The following EIF3M variants were observed in gnomAD, a reference collection of about 807,000 sequenced individuals.
EIF3M encodes eukaryotic translation initiation factor 3 subunit M, also known as B5 receptor.
EIF3M carries 25 observed loss-of-function variants against 49.7 expected under a neutral mutation model. The ratio of observed to expected loss-of-function variants is 0.50; its 90% CI spans 0.37 to 0.70. EIF3M has a LOEUF of 0.70. Among genes scored for constraint, EIF3M ranks in the 30% least tolerant of loss-of-function variants. The pLI is 0.00. For missense variants in EIF3M, 350 were observed against 440.0 expected (o/e 0.80, Z 1.83); for synonymous variants, 156 against 149.8 (o/e 1.04, Z -0.30).
rs1304240989 is a variant in EIF3M at position 32,593,910 on chromosome 11, C to G, written c.578C>G (p.Thr193Arg). 6.3e-7 allele frequency: 1 copy of G among 1,580,356 alleles called. No homozygotes were observed. The highest frequency in any genetic ancestry group is 1.4e-5 in the African/African-American group (1 of 73,226). The change falls in exon 6 of 11, where the codon ACA becomes AGA. Residue 193 changes from threonine to arginine, a missense_variant. Transcript: ENST00000531120. The stretch of plus-strand genomic sequence containing the variant: ...ATGGTGGAATTGCTCGGAAGTTACA[C>G]AGAGGACAATGCTTCCCAGGCTCGA... ...KVMVELLGSY[T>R]EDNASQARVD... is the part of the protein sequence containing the mutation.
chr11:32,593,851 A>G lies in EIF3M; in HGVS notation c.534-15A>G, dbSNP rs1167391241. On this transcript the variant is annotated splice_polypyrimidine_tract_variant and intron_variant, in intron 5 of 10. Coordinates refer to ENST00000531120, the MANE Select transcript of EIF3M (RefSeq NM_006360.6). The stretch of plus-strand genomic sequence containing the variant: ...AGTAATGCTTTCAAGTTCCTAAAGC[A>G]ATATTTCTTTTTAGTGATGCTGCTT... 1.3e-6 allele frequency: 2 copies of G among 1,553,966 alleles called. No individual in the cohort carries two copies. Among genetic ancestry groups the G allele is most frequent in the South Asian group, 2.5e-5 (2 of 81,542 alleles).
intron 7 of EIF3M, among the ~76,000 whole-genome samples, chr11:32,595,461 C>G (rs1855165671): frequency 6.6e-6 from 1 of 152,180 alleles, no homozygotes; most frequent in Non-Finnish European, 1.5e-5. Context: ...CCTGACCCCC[C>G]TGACCCCAAA....
intron 8 of EIF3M, among the ~76,000 whole-genome samples, chr11:32,596,693 G>A (rs188728636): frequency 6.6e-6 from 1 of 152,044 alleles, no homozygotes; most frequent in Admixed American, 6.5e-5. Flanking sequence ...ATCACTTGAG[G>A]TCAGGAGTTC....
Position 32,603,017 on chromosome 11 carries a change from T to C in EIF3M, c.*618T>C, listed in dbSNP as rs375218866. 16 of 1,589,450 alleles carry C rather than the reference T, an allele frequency of 1.0e-5. No individual in the cohort carries two copies. In the East Asian group the frequency reaches 1.3e-4, roughly 13 times the overall value. ...GGAGTTGATATCAGAGGCTTTGTTT[T>C]CACCTGGGAAAGATAAACTAATTTT... is the stretch of plus-strand genomic sequence containing the variant. On this transcript the variant is annotated 3_prime_UTR_variant, in exon 11 of 11. Coordinates refer to ENST00000531120, the MANE Select transcript of EIF3M (RefSeq NM_006360.6).
Position 32,605,968 on chromosome 11 carries a change from T to C in EIF3M, c.*3569T>C, listed in dbSNP as rs965842771. 1 of 152,068 alleles carries C rather than the reference T, an allele frequency of 6.6e-6. No individual in the cohort carries two copies. The highest frequency in any genetic ancestry group is 2.4e-5 in the African/African-American group (1 of 41,392). 9.4% of individuals were successfully genotyped at this position (152,068 alleles called of 1,614,324 possible). ...CTAGTCCTTTTATTTCTGCCTGTGA[T>C]TATATTTTAAAATTAAACTTAAATG... is the stretch of plus-strand genomic sequence containing the variant. On this transcript the variant is annotated 3_prime_UTR_variant, in exon 11 of 11. Transcript: ENST00000531120.
intron 8 of EIF3M, among the ~76,000 whole-genome samples, chr11:32,599,708 ATAT>A (rs759799017): frequency 2.0e-5 from 3 of 151,986 alleles, no homozygotes; most frequent in Non-Finnish European, 4.4e-5. Context: ...AGTATATATG[ATAT>A]TATGTTAGAA....
At chr11:32,588,225 C>A (rs1453498110) in intron 2 of EIF3M, among the ~76,000 whole-genome samples, 3 of 151,932 alleles carry the variant, frequency 2.0e-5, no homozygotes, top group Non-Finnish European at 4.4e-5. Flanking sequence ...CCCGTCTCTA[C>A]TAAAAATACA....
At chr11:32,590,718 A>G (rs1855087226) in intron 5 of EIF3M, among the ~76,000 whole-genome samples, 1 of 152,236 alleles carries the variant, frequency 6.6e-6, no homozygotes, top group African/African-American at 2.4e-5. Flanking sequence ...TCTTTAGAAC[A>G]CATAAAATAC....
At chr11:32,601,948 C>T in intron 10 of EIF3M, 126 bp downstream of exon 10, 1 of 1,032,138 alleles carries the variant, frequency 9.7e-7, no homozygotes, top group Non-Finnish European at 1.4e-6. Context: ...TGCTATTTAT[C>T]ATAATTTTAT....
At chr11:32,585,813 TG>T (rs1468322513) in intron 1 of EIF3M, among the ~76,000 whole-genome samples, 1 of 149,356 alleles carries the variant, frequency 6.7e-6, no homozygotes, top group Non-Finnish European at 1.5e-5. Context: ...TAAATATACT[TG>T]GGGGTTTAAA....
chr11:32,587,167 A>G (rs374063734), intron 2 of EIF3M, 23 bp downstream of exon 2: 3 of 1,538,768 alleles, frequency 1.9e-6, no homozygotes, highest in Non-Finnish European at 2.6e-6. Context: ...TTTTTTTCTA[A>G]TATTTCCTAA....
rs114768944 is a variant in EIF3M at position 32,594,159 on chromosome 11, G to A, written c.617+210G>A. 1,418 of 357,924 alleles carry A rather than the reference G, an allele frequency of 4.0e-3. 17 individuals are homozygous for A. The highest frequency in any genetic ancestry group is 0.025 in the African/African-American group (1,189 of 47,734). 22.2% of individuals were successfully genotyped at this position (357,924 alleles called of 1,614,324 possible). A position where few individuals can be genotyped will look rare whatever the true frequency, so the allele number is the denominator to read the frequency against. On this transcript the variant is annotated intron_variant, in intron 6 of 10. Coordinates refer to ENST00000531120, the MANE Select transcript of EIF3M (RefSeq NM_006360.6). ...ATTGAATATGAAGTAGCTGCATGGC[G>A]TTTACCTGGCGGGGGGGGTATTGCT... is the stretch of plus-strand genomic sequence containing the variant.
rs1855173048 is a variant in EIF3M, at chr11:32,596,061, T to C, written c.799+14T>C. On this transcript the variant is annotated intron_variant, in intron 8 of 10. Transcript: ENST00000531120. ...TTGATTCACTTGGTAAGTTTTGGGG[T>C]TTATTCTTTGAGGCACAGAGGTGGG... 2.6e-6 allele frequency: 4 copies of C among 1,538,048 alleles called. No homozygotes were observed. In the Admixed American group the frequency reaches 9.4e-5, roughly 36 times the overall value.
At position 32,606,015 on chromosome 11, in the gene EIF3M, A is replaced by T. The variant is rs1043337905; in HGVS notation, c.*3616A>T. On this transcript the variant is annotated 3_prime_UTR_variant, in exon 11 of 11. Transcript: ENST00000531120. ...AATGAATCTAATTCATTGGATATAT[A>T]AAAAAAAAAGTAAGTGGCTTGCTTT... is the stretch of plus-strand genomic sequence containing the variant. The T allele has an allele frequency of 1.5e-4, 5 of 33,548 alleles. No individual in the cohort carries two copies. Among genetic ancestry groups the T allele is most frequent in the South Asian group, 1.2e-3 (2 of 1,620 alleles). 2.1% of individuals were successfully genotyped at this position (33,548 alleles called of 1,614,324 possible).
rs115517221 is a variant in EIF3M, at chr11:32,591,864, A to T, written c.534-2002A>T. 4.6e-3 allele frequency: 1,145 copies of T among 247,210 alleles called. 16 individuals carry two copies. Among genetic ancestry groups the T allele is most frequent in the African/African-American group, 0.025 (1,091 of 43,692 alleles). The allele number at this position is 247,210 out of a possible 1,614,324, so 15.3% of individuals were successfully genotyped here. The stretch of plus-strand genomic sequence containing the variant: ...CCACCAAAACTGCCCCCTTTCATGC[A>T]TGGGTCCATAATTTGGTTGTCATTG... On this transcript the variant is annotated intron_variant, in intron 5 of 10. Transcript: ENST00000531120.
intron 5 of EIF3M, 179 bp from the exon 6 acceptor site, chr11:32,593,687 C>T: frequency 2.6e-6 from 1 of 389,402 alleles, no homozygotes; most frequent in South Asian, 1.2e-4. Context: ...GTTACTTTTC[C>T]TTAGTTGTCC....
chr11:32,588,410 AAG>A (rs377458845), intron 2 of EIF3M, among the ~76,000 whole-genome samples, 182 bp from the exon 3 acceptor site: 29 of 147,830 alleles, frequency 2.0e-4, no homozygotes, highest in African/African-American at 5.2e-4. Flanking sequence ...AAAAAAAAAA[AAG>A]AAACCACATC....
At chr11:32,592,851 T>C (rs532912249) in intron 5 of EIF3M, 19 of 319,556 alleles carry the variant, frequency 5.9e-5, no homozygotes, top group Non-Finnish European at 8.4e-5. Context: ...CAGTGGGTAT[T>C]TGGCTGTTCA....
chr11:32,586,882 G>T (rs1444195766), intron 1 of EIF3M, 130 bp from the exon 2 acceptor site: 2 of 1,242,954 alleles, frequency 1.6e-6, no homozygotes, highest in Non-Finnish European at 2.2e-6. Flanking sequence ...GGTGAGGGAG[G>T]GGTCTTCAAC....
Sources: allele counts gnomAD v4.1 joint callset (sites outside exome capture counted in the v4.1 genomes callset), GRCh38; gene constraint gnomAD v4.1.1; transcripts MANE v1.5; gene names NCBI Gene and HGNC (gene_info 2026-07-23, HGNC 2026-07-21).